The following SORCS2 variants were observed in gnomAD, a reference collection of about 807,000 sequenced individuals.
SORCS2 encodes the protein VPS10 domain-containing receptor SorCS2.
Under a neutral mutation model 141.6 loss-of-function variants are expected in SORCS2, and 100 were observed. That is an observed-to-expected ratio of 0.71 (90% CI 0.60 to 0.83). The LOEUF is 0.83. Among genes scored for constraint, SORCS2 ranks in the 40% least tolerant of loss-of-function variants. The pLI is 0.00. For missense variants in SORCS2, 1,646 were observed against 1,560.2 expected (o/e 1.05, Z -0.93); for synonymous variants, 789 against 676.9 (o/e 1.17, Z -2.57).
chr4:7,464,897 C>T (rs912454463), intron 2 of SORCS2, among the ~76,000 whole-genome samples: 19 of 152,200 alleles, frequency 1.2e-4, no homozygotes, highest in African/African-American at 4.6e-4. Context: ...TTCTAAAAGC[C>T]GGCGCCTCCG....
intron 23 of SORCS2, among the ~76,000 whole-genome samples, chr4:7,732,260 T>G (rs1325018710): frequency 2.6e-5 from 4 of 152,330 alleles, no homozygotes; most frequent in South Asian, 4.1e-4. Context: ...GCCTCACACC[T>G]GTTAGAATGG....
chr4:7,206,892 A>G (rs910480403), intron 1 of SORCS2, among the ~76,000 whole-genome samples: 1 of 152,210 alleles, frequency 6.6e-6, no homozygotes, highest in Non-Finnish European at 1.5e-5. Context: ...CTTTCAACAA[A>G]GACAAATGAC....
intron 14 of SORCS2, among the ~76,000 whole-genome samples, chr4:7,710,684 G>A (rs539437585): frequency 5.3e-5 from 8 of 152,300 alleles, no homozygotes; most frequent in East Asian, 1.9e-4. Flanking sequence ...TCCCAATCAC[G>A]GGTGCCCTGG....
intron 2 of SORCS2, among the ~76,000 whole-genome samples, chr4:7,470,712 G>T (rs1729925686): frequency 2.0e-5 from 3 of 152,216 alleles, no homozygotes; most frequent in Admixed American, 2.0e-4. Flanking sequence ...GAACAGTCAG[G>T]ACTGAGCTTG....
intron 2 of SORCS2, among the ~76,000 whole-genome samples, chr4:7,459,514 C>G (rs1402672590): frequency 6.6e-6 from 1 of 152,124 alleles, no homozygotes; most frequent in Non-Finnish European, 1.5e-5. Flanking sequence ...AAGGTGACAC[C>G]CATGATGGCC....
chr4:7,716,351 C>T (rs1183689304), intron 17 of SORCS2, among the ~76,000 whole-genome samples: 2 of 152,034 alleles, frequency 1.3e-5, no homozygotes, highest in Admixed American at 1.3e-4. Flanking sequence ...CGTTCATCTC[C>T]CATCTACCCA....
At chr4:7,656,421 C>T (rs1453560100) in intron 5 of SORCS2, among the ~76,000 whole-genome samples, 2 of 152,242 alleles carry the variant, frequency 1.3e-5, no homozygotes. Flanking sequence ...GCTCTGAGTG[C>T]ACCATTCCAC....
intron 1 of SORCS2, among the ~76,000 whole-genome samples, chr4:7,366,175 G>A (rs547919992): frequency 3.3e-5 from 5 of 152,170 alleles, no homozygotes; most frequent in Non-Finnish European, 5.9e-5. Context: ...CCGTCATCTC[G>A]AAGGTGAGGA....
At position 7,389,628 on chromosome 4, in the gene SORCS2, G is replaced by A. The variant is rs187069687; in HGVS notation, c.481-6660G>A. ...GGAGATGGAGGTGTCTGAGGCTGAC[G>A]CAGTTCCTCCCCTCCTGGGGTGCAC... On this transcript the variant is annotated intron_variant, in intron 1 of 26. Transcript: ENST00000507866. Among the ~76,000 whole-genome samples the A allele has an allele frequency of 2.0e-5, 3 of 152,318 alleles. No homozygotes were observed. In the East Asian group the frequency reaches 5.8e-4, roughly 29 times the overall value.
intron 3 of SORCS2, among the ~76,000 whole-genome samples, chr4:7,570,948 C>G (rs1215139161): frequency 1.3e-5 from 2 of 152,168 alleles, no homozygotes; most frequent in Admixed American, 6.5e-5. Flanking sequence ...TGTTCTGCCC[C>G]TTTTCCAGCC....
At chr4:7,545,030 G>T (rs1287947329) in intron 3 of SORCS2, among the ~76,000 whole-genome samples, 1 of 152,122 alleles carries the variant, frequency 6.6e-6, no homozygotes, top group Non-Finnish European at 1.5e-5. Context: ...GGGCTTGTTG[G>T]TATACAGAGC....
intron 2 of SORCS2, among the ~76,000 whole-genome samples, chr4:7,422,145 G>T (rs968692986): frequency 1.3e-5 from 2 of 152,194 alleles, no homozygotes; most frequent in Admixed American, 6.5e-5. Flanking sequence ...AACGTGGTCA[G>T]ACACGCCACC....
intron 3 of SORCS2, among the ~76,000 whole-genome samples, chr4:7,536,915 G>A (rs1712179124): frequency 2.0e-5 from 3 of 152,036 alleles, no homozygotes; most frequent in Admixed American, 1.3e-4. Context: ...GAGGCTCAGG[G>A]AAGCTCGGAG....
At chr4:7,405,835 C>T (rs1043301632) in intron 2 of SORCS2, among the ~76,000 whole-genome samples, 6 of 152,080 alleles carry the variant, frequency 3.9e-5, no homozygotes. Context: ...TCATTTCTTT[C>T]TCTTGGCTGA....
At chr4:7,717,906 A>G in intron 17 of SORCS2, 106 bp from the exon 18 acceptor site, 2 of 1,256,954 alleles carry the variant, frequency 1.6e-6, no homozygotes, top group Non-Finnish European at 2.1e-6. Context: ...AGGGGTGGGA[A>G]GCCAAGTGCC....
chr4:7,210,274 AC>A (rs1215540222), intron 1 of SORCS2, among the ~76,000 whole-genome samples: 1 of 151,538 alleles, frequency 6.6e-6, no homozygotes, highest in Non-Finnish European at 1.5e-5. Context: ...TCTACCCTTG[AC>A]CCTTATTATC....
At chr4:7,683,248 C>A (rs1018063759) in intron 10 of SORCS2, among the ~76,000 whole-genome samples, 2 of 83,376 alleles carry the variant, frequency 2.4e-5, no homozygotes, top group East Asian at 5.7e-4. Flanking sequence ...ATCAGCTGAG[C>A]GGCTCTGCTG....
intron 1 of SORCS2, among the ~76,000 whole-genome samples, chr4:7,231,842 G>A (rs1352915465): frequency 2.0e-5 from 3 of 152,326 alleles, no homozygotes; most frequent in Middle Eastern, 3.4e-3. Context: ...GAGGGCACGA[G>A]GACAAGGATA....
intron 2 of SORCS2, among the ~76,000 whole-genome samples, chr4:7,422,662 A>G (rs1011225698): frequency 1.3e-5 from 2 of 151,884 alleles, no homozygotes; most frequent in Admixed American, 1.3e-4. Context: ...TGTCTCCCTC[A>G]TCTCATCCAC....
Sources: gnomAD v4.1 joint callset for allele counts (sites outside exome capture counted in the v4.1 genomes callset) on GRCh38, gnomAD v4.1.1 for gene constraint, MANE v1.5 for transcripts, NCBI Gene and HGNC (gene_info 2026-07-23, HGNC 2026-07-21) for gene names.